The following TBC1D5 variants were observed in gnomAD, a reference collection of about 807,000 sequenced individuals.
The protein encoded by TBC1D5 is TBC1 domain family member 5, also known as TBC1 domain family, member 5.
In TBC1D5, 75 loss-of-function variants were observed where a neutral mutation model predicts 100.3. That is an observed-to-expected ratio of 0.75 (90% confidence interval 0.62 to 0.91). The LOEUF (loss-of-function observed/expected upper bound fraction) is 0.91, where lower values mean the gene tolerates loss of function less well. Ranked by LOEUF, TBC1D5 falls within the 40% of genes least tolerant of loss-of-function variation. The pLI, the probability that TBC1D5 is intolerant of heterozygous loss-of-function variation, is 0.00. For synonymous variants in TBC1D5, 323 were observed against 325.6 expected (o/e 0.99, Z 0.09); for missense variants, 910 against 942.4 (o/e 0.97, Z 0.45).
chr3:17,543,428 T>C (rs920370306), intron 2 of TBC1D5, among the ~76,000 whole-genome samples: 1 of 151,558 alleles, frequency 6.6e-6, no homozygotes, highest in African/African-American at 2.4e-5. Flanking sequence ...AGGTCAGGAG[T>C]TCGAAACCAG....
intron 17 of TBC1D5, among the ~76,000 whole-genome samples, chr3:17,226,935 T>C (rs2074962572): frequency 6.6e-6 from 1 of 152,198 alleles, no homozygotes; most frequent in Non-Finnish European, 1.5e-5. Context: ...CTTTCATTCG[T>C]GACCAAACAT....
chr3:17,261,881 TA>T (rs766843581), intron 15 of TBC1D5, among the ~76,000 whole-genome samples: 7 of 150,780 alleles, frequency 4.6e-5, no homozygotes, highest in Admixed American at 2.6e-4. Flanking sequence ...TTTATAAAAA[TA>T]TAATGATTTC....
chr3:17,525,040 G>A (rs910838584), intron 2 of TBC1D5, among the ~76,000 whole-genome samples: 2 of 151,906 alleles, frequency 1.3e-5, no homozygotes, highest in Admixed American at 1.3e-4. Flanking sequence ...TTTGCTGTGT[G>A]TTAAAATTTC....
At chr3:17,631,373 C>A (rs1198589841) in intron 1 of TBC1D5, among the ~76,000 whole-genome samples, 1 of 152,126 alleles carries the variant, frequency 6.6e-6, no homozygotes, top group Non-Finnish European at 1.5e-5. Flanking sequence ...AAAAAAGAAG[C>A]CTTCTCTATA....
At chr3:17,480,274 G>T (rs1244452367) in intron 3 of TBC1D5, among the ~76,000 whole-genome samples, 1 of 152,194 alleles carries the variant, frequency 6.6e-6, no homozygotes, top group Non-Finnish European at 1.5e-5. Context: ...CGCCATGGAT[G>T]ACATGCTGAT....
chr3:17,212,484 G>A (rs568194516), intron 18 of TBC1D5, among the ~76,000 whole-genome samples: 6 of 151,982 alleles, frequency 3.9e-5, no homozygotes, highest in African/African-American at 1.4e-4. Flanking sequence ...ATTTTATAAT[G>A]TACTTCTAGT....
chr3:17,455,512 G>A (rs1037344481), intron 3 of TBC1D5, among the ~76,000 whole-genome samples: 10 of 128,882 alleles, frequency 7.8e-5, no homozygotes, highest in African/African-American at 2.7e-4. Flanking sequence ...ATGTGTGTGT[G>A]TATATATATA....
At chr3:17,162,559 G>C (rs749370058) in intron 21 of TBC1D5, among the ~76,000 whole-genome samples, 8 of 152,184 alleles carry the variant, frequency 5.3e-5, no homozygotes, top group Non-Finnish European at 8.8e-5. Context: ...AACAGGCCTT[G>C]AGGTTCTTCA....
At chr3:17,454,058 C>G (rs1275242358) in intron 3 of TBC1D5, among the ~76,000 whole-genome samples, 1 of 152,136 alleles carries the variant, frequency 6.6e-6, no homozygotes, top group African/African-American at 2.4e-5. Flanking sequence ...TGATAAAGTT[C>G]AGCATTCCTT....
At chr3:17,373,665 T>C (rs2092575414) in intron 12 of TBC1D5, among the ~76,000 whole-genome samples, 2 of 152,142 alleles carry the variant, frequency 1.3e-5, no homozygotes, top group South Asian at 2.1e-4. Context: ...TATAATGCAA[T>C]ATTTTTCAGG....
intron 3 of TBC1D5, among the ~76,000 whole-genome samples, chr3:17,471,564 A>C (rs1273311020): frequency 6.8e-6 from 1 of 147,488 alleles, no homozygotes; most frequent in Non-Finnish European, 1.5e-5. Context: ...CATTTTAAAA[A>C]ATCAAAATAG....
intron 3 of TBC1D5, among the ~76,000 whole-genome samples, chr3:17,444,532 T>C (rs2149593714): frequency 6.6e-6 from 1 of 152,210 alleles, no homozygotes; most frequent in South Asian, 2.1e-4. Flanking sequence ...ATTTAAAAGA[T>C]TTAGCTGTTC....
At chr3:17,609,716 C>T (rs2061548844) in intron 2 of TBC1D5, among the ~76,000 whole-genome samples, 1 of 152,184 alleles carries the variant, frequency 6.6e-6, no homozygotes, top group Non-Finnish European at 1.5e-5. Context: ...TCCCAAGACC[C>T]ATACCACAGC....
exon 20 of TBC1D5, chr3:17,167,817 C>A (rs752895817): frequency 1.1e-5 from 18 of 1,601,808 alleles, no homozygotes; most frequent in Non-Finnish European, 1.5e-5. Flanking sequence ...AATATCACAT[C>A]TTGAATATTT....
chr3:17,247,340 A>C (rs551851957), intron 16 of TBC1D5, among the ~76,000 whole-genome samples: 2 of 152,364 alleles, frequency 1.3e-5, no homozygotes, highest in African/African-American at 4.8e-5. Context: ...AGTGAATTAC[A>C]CAATTTTTTT....
chr3:17,211,168 G>C (rs13340189), intron 18 of TBC1D5, among the ~76,000 whole-genome samples: 1 of 152,186 alleles, frequency 6.6e-6, no homozygotes, highest in East Asian at 1.9e-4. Flanking sequence ...AAAAAGCTAA[G>C]AGGAAGTTCT....
rs2066673144 is a variant in TBC1D5, at chr3:17,166,933, T to C, written c.1933-5A>G. On this transcript the variant is annotated splice_polypyrimidine_tract_variant and splice_region_variant and intron_variant, in intron 20 of 21. Transcript: ENST00000253692. ...ACCTTTTAGAATGTCTTTGATCTAT[T>C]TTCAAAGAAGAAGAAAATAAATGAA... is the stretch of plus-strand genomic sequence containing the variant. The C allele has an allele frequency of 1.3e-6, 2 of 1,591,086 alleles. No homozygotes were observed. The highest frequency in any genetic ancestry group is 1.7e-6 in the Non-Finnish European group (2 of 1,171,410).
chr3:17,673,098 T>C (rs2068146262), intron 1 of TBC1D5, among the ~76,000 whole-genome samples: 2 of 152,090 alleles, frequency 1.3e-5, no homozygotes, highest in Admixed American at 1.3e-4. Context: ...AATAATGGAA[T>C]ATTTCAGTTA....
intron 13 of TBC1D5, among the ~76,000 whole-genome samples, chr3:17,344,444 A>C (rs1450602146): frequency 6.6e-6 from 1 of 151,798 alleles, no homozygotes; most frequent in Non-Finnish European, 1.5e-5. Flanking sequence ...AGAACATTCC[A>C]TGCTCATGGG....
Sources: allele counts gnomAD v4.1 joint callset (sites outside exome capture counted in the v4.1 genomes callset), GRCh38; gene constraint gnomAD v4.1.1; transcripts MANE v1.5; gene names NCBI Gene and HGNC (gene_info 2026-07-23, HGNC 2026-07-21).